Variants in CDH22 observed in about 807,000 individuals in gnomAD.
The protein encoded by CDH22 is cadherin 22.
A neutral mutation model predicts 58.4 loss-of-function variants in CDH22; 30 were observed. That is an observed-to-expected ratio of 0.51 (90% CI 0.38 to 0.70). The LOEUF (loss-of-function observed/expected upper bound fraction) is 0.70. CDH22 is among the 30% of genes least tolerant of loss of function. The probability of loss-of-function intolerance (pLI) is 0.00; values close to 1 mark genes in which losing one functional copy is unlikely to be tolerated. For missense variants in CDH22, 1,014 were observed against 1,233.9 expected (o/e 0.82, Z 2.67); for synonymous variants, 513 against 558.2 (o/e 0.92, Z 1.14).
At chr20:46,218,669 C>T (rs2086102935) in intron 4 of CDH22, among the ~76,000 whole-genome samples, 1 of 152,146 alleles carries the variant, frequency 6.6e-6, no homozygotes, top group African/African-American at 2.4e-5. Flanking sequence ...CTCTCCAGGC[C>T]CTAGATCCTC....
intron 1 of CDH22, among the ~76,000 whole-genome samples, chr20:46,268,495 T>C (rs1568679119): frequency 6.6e-6 from 1 of 152,222 alleles, no homozygotes; most frequent in Non-Finnish European, 1.5e-5. Context: ...AAGATTCAAT[T>C]CCACTTAGCT....
At chr20:46,236,396 T>G (rs2086251738) in intron 3 of CDH22, among the ~76,000 whole-genome samples, 1 of 150,662 alleles carries the variant, frequency 6.6e-6, no homozygotes, top group Admixed American at 6.7e-5. Context: ...CCCCTCTATC[T>G]AAAATAACAC....
chr20:46,212,964 G>T (rs766317759), intron 6 of CDH22, 31 bp downstream of exon 6: 16 of 1,597,500 alleles, frequency 1.0e-5, no homozygotes, highest in Non-Finnish European at 1.4e-5. Context: ...CCTGAGGCCT[G>T]CCTCCCCCAT....
chr20:46,298,947 C>T (rs1014790521), intron 1 of CDH22, among the ~76,000 whole-genome samples: 1 of 152,156 alleles, frequency 6.6e-6, no homozygotes. Flanking sequence ...ATTAAGCCCC[C>T]ACCCCACTTA....
chr20:46,234,292 G>A (rs1038385302), intron 3 of CDH22, among the ~76,000 whole-genome samples: 1 of 152,228 alleles, frequency 6.6e-6, no homozygotes, highest in African/African-American at 2.4e-5. Context: ...CTCAAAGAAA[G>A]CTATGGATGC....
At chr20:46,230,030 A>G (rs572726375) in intron 3 of CDH22, among the ~76,000 whole-genome samples, 3 of 152,258 alleles carry the variant, frequency 2.0e-5, no homozygotes, top group Admixed American at 2.0e-4. Context: ...TGGGAATGGT[A>G]AAGGGTCAGT....
intron 4 of CDH22, among the ~76,000 whole-genome samples, chr20:46,225,566 G>A (rs1180452068): frequency 6.6e-6 from 1 of 152,200 alleles, no homozygotes; most frequent in Non-Finnish European, 1.5e-5. Context: ...AAATTACATT[G>A]GTTGCCTTGG....
intron 4 of CDH22, 65 bp downstream of exon 4, chr20:46,227,443 C>T: frequency 7.1e-7 from 1 of 1,410,280 alleles, no homozygotes; most frequent in South Asian, 1.2e-5. Flanking sequence ...CTGGGGTGGT[C>T]CTCGTCCCGC....
rs1466498569 is a variant in CDH22 at position 46,210,730 on chromosome 20, G to A, written c.1033-170C>T. ...GAACTGACCCAGACCAACCCGGTGG[G>A]TTACGGGTGGAGAAACTGAGGATCC... On this transcript the variant is annotated intron_variant, in intron 6 of 11. Coordinates refer to ENST00000537909, the MANE Select transcript of CDH22 (RefSeq NM_021248.3). The surrounding 1 kb of genome is among the most constrained non-coding windows in gnomAD (Gnocchi z 4.5). 6.6e-5 allele frequency among the ~76,000 whole-genome samples: 10 copies of A among 152,272 alleles called. No individual in the cohort carries two copies. In the East Asian group the frequency reaches 1.9e-3, roughly 29 times the overall value.
At chr20:46,253,542 C>T (rs894887686) in intron 1 of CDH22, among the ~76,000 whole-genome samples, 1 of 152,192 alleles carries the variant, frequency 6.6e-6, no homozygotes, top group African/African-American at 2.4e-5. Context: ...TTCTATGGGC[C>T]TGGGCACGAG....
chr20:46,291,100 A>C (rs2086600136), intron 1 of CDH22, among the ~76,000 whole-genome samples: 1 of 152,158 alleles, frequency 6.6e-6, no homozygotes, highest in Non-Finnish European at 1.5e-5. Flanking sequence ...AACATGGCGA[A>C]ACCCTGTCTC....
At chr20:46,191,469 G>T (rs2085861713) in intron 8 of CDH22, among the ~76,000 whole-genome samples, 1 of 152,190 alleles carries the variant, frequency 6.6e-6, no homozygotes, top group Non-Finnish European at 1.5e-5. Flanking sequence ...ACGGGGCCTG[G>T]CCTGGTGCCC....
chr20:46,277,943 T>G, intron 1 of CDH22, among the ~76,000 whole-genome samples: 3 of 148,832 alleles, frequency 2.0e-5, no homozygotes, highest in Non-Finnish European at 4.5e-5. Flanking sequence ...AAGGAGAGAG[T>G]TGGGTGTGCT....
chr20:46,186,456 G>T, intron 10 of CDH22, 132 bp downstream of exon 10: 1 of 709,328 alleles, frequency 1.4e-6, no homozygotes, highest in Non-Finnish European at 2.4e-6. Flanking sequence ...CTCCAGCTTG[G>T]CCCAGACTTT....
chr20:46,219,922 G>A (rs1416735256), intron 4 of CDH22: 1 of 152,320 alleles, frequency 6.6e-6, no homozygotes, highest in Non-Finnish European at 1.5e-5. Context: ...GGCTGTACAG[G>A]GAAGGTGGGG....
chr20:46,199,638 C>G, intron 7 of CDH22, 79 bp from the exon 8 acceptor site: 1 of 1,521,576 alleles, frequency 6.6e-7, no homozygotes, highest in Non-Finnish European at 8.9e-7. Context: ...CAACCCCACT[C>G]CAAGAGAGGG....
At chr20:46,296,539 G>A (rs1483750744) in intron 1 of CDH22, among the ~76,000 whole-genome samples, 1 of 152,196 alleles carries the variant, frequency 6.6e-6, no homozygotes, top group African/African-American at 2.4e-5. Flanking sequence ...GTTCGCAAAG[G>A]GCTGAAACAG....
chr20:46,239,546 A>AG (rs2086275773), intron 3 of CDH22, among the ~76,000 whole-genome samples: 1 of 152,202 alleles, frequency 6.6e-6, no homozygotes, highest in African/African-American at 2.4e-5. Context: ...AATTTGGGGA[A>AG]GCTGGGCTGA....
chr20:46,275,655 G>C (rs2086513809), intron 1 of CDH22, among the ~76,000 whole-genome samples: 1 of 152,084 alleles, frequency 6.6e-6, no homozygotes, highest in African/African-American at 2.4e-5. Context: ...TTTGTTGAGT[G>C]GTTGAATTAA....
Sources: gnomAD v4.1 joint callset for allele counts (sites outside exome capture counted in the v4.1 genomes callset) on GRCh38, gnomAD v4.1.1 for gene constraint, Gnocchi (gnomAD v3.1) non-coding constraint, MANE v1.5 for transcripts, NCBI Gene and HGNC (gene_info 2026-07-23, HGNC 2026-07-21) for gene names.